SLC16A10: variants seen among roughly 807,000 people sequenced by gnomAD.
SLC16A10 encodes monocarboxylate transporter 10.
SLC16A10 carries 27 observed loss-of-function variants against 40.0 expected under a neutral mutation model. That is an observed-to-expected ratio of 0.67 (90% CI 0.50 to 0.93). SLC16A10 has a LOEUF of 0.93. Among genes scored for constraint, SLC16A10 ranks in the 40% least tolerant of loss-of-function variants. SLC16A10 has a pLI of 0.00. For missense variants in SLC16A10, 529 were observed against 658.2 expected (o/e 0.80, Z 2.15); for synonymous variants, 213 against 249.8 (o/e 0.85, Z 1.39).
intron 1 of SLC16A10, among the ~76,000 whole-genome samples, chr6:111,148,690 A>G (rs959934573): frequency 1.3e-5 from 2 of 152,232 alleles, no homozygotes; most frequent in Non-Finnish European, 2.9e-5. Flanking sequence ...ACAGTGTGTA[A>G]CAGTGAACAA....
chr6:111,227,791 C>CA lies in SLC16A10; in HGVS notation c.*5560dup, dbSNP rs539444208. On this transcript the variant is annotated 3_prime_UTR_variant, in exon 6 of 6. Coordinates refer to ENST00000368851, the MANE Select transcript of SLC16A10 (RefSeq NM_018593.5). ...TAGTAAGTTGGAAAGACAGTAGGAA[C>CA]AAAATGAAACCTTTCTAAGTACTTG... The CA allele has an allele frequency of 3.9e-5, 6 of 152,176 alleles. No homozygotes were observed. The South Asian group carries it at 1.0e-3, about 26-fold the overall frequency. The allele number at this position is 152,176 out of a possible 1,614,324, so 9.4% of individuals were successfully genotyped here.
At chr6:111,108,222 G>A (rs375411782) in intron 1 of SLC16A10, among the ~76,000 whole-genome samples, 1 of 152,204 alleles carries the variant, frequency 6.6e-6, no homozygotes, top group East Asian at 1.9e-4. Context: ...GTTTCACCAT[G>A]TTGACCAGGC....
At chr6:111,118,100 C>T (rs1308459344) in intron 1 of SLC16A10, among the ~76,000 whole-genome samples, 1 of 152,160 alleles carries the variant, frequency 6.6e-6, no homozygotes, top group Admixed American at 6.5e-5. Context: ...AGAAGAAATA[C>T]AGTAGGCATG....
rs559851346 is a variant in SLC16A10, at chr6:111,228,556, G to T, written c.*6321G>T. 3.3e-5 allele frequency: 5 copies of T among 152,246 alleles called. No individual in the cohort carries two copies. Among genetic ancestry groups the T allele is most frequent in the African/African-American group, 1.2e-4 (5 of 41,554 alleles). The allele number at this position is 152,246 out of a possible 1,614,324, so 9.4% of individuals were successfully genotyped here. A position where few individuals can be genotyped will look rare whatever the true frequency, so the allele number is the denominator to read the frequency against. On this transcript the variant is annotated 3_prime_UTR_variant, in exon 6 of 6. Coordinates refer to ENST00000368851, the MANE Select transcript of SLC16A10 (RefSeq NM_018593.5). ...GTAATACTATTTTGGAGCCTGTGATGTATGACTTTTATTCTTTACTAGATA... is the reference window on the plus strand; with the variant it reads ...GTAATACTATTTTGGAGCCTGTGATTTATGACTTTTATTCTTTACTAGATA...
At chr6:111,134,158 C>T (rs1214613454) in intron 1 of SLC16A10, among the ~76,000 whole-genome samples, 1 of 152,194 alleles carries the variant, frequency 6.6e-6, no homozygotes, top group East Asian at 1.9e-4. Context: ...AGGCAGTTCC[C>T]AGTGTAGCTC....
intron 1 of SLC16A10, among the ~76,000 whole-genome samples, chr6:111,164,894 C>A (rs1029304228): frequency 1.3e-5 from 2 of 152,302 alleles, no homozygotes; most frequent in East Asian, 3.9e-4. Flanking sequence ...ATCTCTAAAA[C>A]TTTTTATTTT....
intron 3 of SLC16A10, among the ~76,000 whole-genome samples, chr6:111,204,552 T>C (rs1249652782): frequency 1.3e-5 from 2 of 152,124 alleles, no homozygotes; most frequent in Non-Finnish European, 2.9e-5. Flanking sequence ...TTGAAGAGGG[T>C]AGAAGAGGCA....
rs1161550449 is a variant in SLC16A10, at chr6:111,126,831, A to G, written c.343+38736A>G. ...CCAGACCAGAATACTAGCTCTACCAATTACCTAGCTGAGTGATGGTGCAGC... is the reference window on the plus strand; with the variant it reads ...CCAGACCAGAATACTAGCTCTACCAGTTACCTAGCTGAGTGATGGTGCAGC... On this transcript the variant is annotated intron_variant, in intron 1 of 5. Coordinates refer to ENST00000368851, the MANE Select transcript of SLC16A10 (RefSeq NM_018593.5). Among the ~76,000 whole-genome samples the G allele has an allele frequency of 2.0e-5, 3 of 152,162 alleles. No individual in the cohort carries two copies. In the East Asian group the frequency reaches 5.8e-4, roughly 29 times the overall value.
At chr6:111,212,376 AT>A (rs1400248709) in intron 4 of SLC16A10, among the ~76,000 whole-genome samples, 1 of 152,240 alleles carries the variant, frequency 6.6e-6, no homozygotes, top group Non-Finnish European at 1.5e-5. Context: ...CTAATCCTGA[AT>A]TAGAGTCTTT....
rs1287389838 is a variant in SLC16A10 at position 111,229,994 on chromosome 6, T to C, written c.*7759T>C. The C allele has an allele frequency of 3.1e-5, 4 of 128,664 alleles. No individual in the cohort carries two copies. The highest frequency in any genetic ancestry group is 6.5e-5 in the Non-Finnish European group (4 of 61,772). 8.0% of individuals were successfully genotyped at this position (128,664 alleles called of 1,614,324 possible). Reference sequence around the variant, plus strand: ...TTTCTTTTTCTTTCTTTGTTTCTTTTTTTTTTTTTTTTTTGAGATGGAGTC... The same window carrying C: ...TTTCTTTTTCTTTCTTTGTTTCTTTCTTTTTTTTTTTTTTGAGATGGAGTC... On this transcript the variant is annotated 3_prime_UTR_variant, in exon 6 of 6. Transcript: ENST00000368851.
intron 3 of SLC16A10, chr6:111,193,235 G>C: frequency 1.0e-6 from 1 of 959,096 alleles, no homozygotes; most frequent in Non-Finnish European, 1.2e-6. Context: ...TTTCAATGAT[G>C]TCTATGCTTT....
At chr6:111,191,429 T>G (rs1013323846) in intron 3 of SLC16A10, among the ~76,000 whole-genome samples, 1 of 152,232 alleles carries the variant, frequency 6.6e-6, no homozygotes, top group Non-Finnish European at 1.5e-5. Flanking sequence ...CTGATGGGCA[T>G]TTGGGTTGGT....
intron 1 of SLC16A10, among the ~76,000 whole-genome samples, chr6:111,149,110 G>T (rs61523613): frequency 2.3e-3 from 346 of 152,268 alleles, no homozygotes; most frequent in African/African-American, 7.8e-3. Context: ...ATAAAGGAAT[G>T]ATGTCTTTAT....
intron 1 of SLC16A10, among the ~76,000 whole-genome samples, chr6:111,170,161 C>T (rs924477562): frequency 5.3e-5 from 8 of 151,968 alleles, no homozygotes; most frequent in Non-Finnish European, 8.8e-5. Flanking sequence ...GGTGATCTGC[C>T]TGCCTTGATC....
intron 1 of SLC16A10, among the ~76,000 whole-genome samples, chr6:111,092,240 C>CA (rs991937457): frequency 1.3e-5 from 2 of 151,758 alleles, no homozygotes; most frequent in African/African-American, 4.8e-5. Context: ...AATGACATGG[C>CA]ACTCAGAGGA....
At chr6:111,117,415 G>A (rs1400620362) in intron 1 of SLC16A10, among the ~76,000 whole-genome samples, 1 of 143,812 alleles carries the variant, frequency 7.0e-6, no homozygotes, top group Non-Finnish European at 1.5e-5. Context: ...TTATTCTTTT[G>A]TACCACCAAA....
intron 1 of SLC16A10, among the ~76,000 whole-genome samples, chr6:111,113,698 C>T (rs768451682): frequency 2.6e-5 from 4 of 152,034 alleles, no homozygotes; most frequent in Non-Finnish European, 5.9e-5. Context: ...TTGAAATGGA[C>T]TTCTTGGCTA....
At chr6:111,106,958 T>G (rs879918961) in intron 1 of SLC16A10, among the ~76,000 whole-genome samples, 7 of 152,210 alleles carry the variant, frequency 4.6e-5, no homozygotes, top group Non-Finnish European at 1.0e-4. Flanking sequence ...GTTACTAGAA[T>G]TAGGTAAGTT....
chr6:111,104,565 TGAG>T (rs1439250523), intron 1 of SLC16A10, among the ~76,000 whole-genome samples: 2 of 151,992 alleles, frequency 1.3e-5, no homozygotes, highest in Non-Finnish European at 1.5e-5. Context: ...GTATGGGGCA[TGAG>T]GAGAAAGAGT....
Sources: gnomAD v4.1 joint callset for allele counts (sites outside exome capture counted in the v4.1 genomes callset) on GRCh38, gnomAD v4.1.1 for gene constraint, MANE v1.5 for transcripts, NCBI Gene and HGNC (gene_info 2026-07-23, HGNC 2026-07-21) for gene names.